Variants in CRELD2 observed in about 807,000 individuals in gnomAD.
CRELD2 encodes the protein protein disulfide isomerase CRELD2.
Under a neutral mutation model 48.1 loss-of-function variants are expected in CRELD2, and 33 were observed. The observed-to-expected ratio is 0.69, with a 90% CI of 0.52 to 0.92. CRELD2 has a LOEUF of 0.92. Among genes scored for constraint, CRELD2 ranks in the 40% least tolerant of loss-of-function variants. The probability of loss-of-function intolerance (pLI) is 0.00; values close to 1 mark genes in which losing one functional copy is unlikely to be tolerated. For synonymous variants in CRELD2, 220 were observed against 203.9 expected (o/e 1.08, Z -0.67); for missense variants, 477 against 482.4 (o/e 0.99, Z 0.10).
intron 5 of CRELD2, chr22:49,922,231 C>A: frequency 1.3e-6 from 2 of 1,521,916 alleles, no homozygotes; most frequent in Non-Finnish European, 8.9e-7. Flanking sequence ...CTAGGCTATT[C>A]TGGGCAGACA....
At chr22:49,920,102 G>A in intron 3 of CRELD2, 54 bp from the exon 4 acceptor site, 2 of 1,229,254 alleles carry the variant, frequency 1.6e-6, no homozygotes, top group South Asian at 1.2e-5. Context: ...CTGCATGTTT[G>A]TTTTAAAGAA....
At chr22:49,922,552 T>A (rs2060702012) in intron 5 of CRELD2, 60 bp from the exon 6 acceptor site, 1 of 1,486,884 alleles carries the variant, frequency 6.7e-7, no homozygotes, top group African/African-American at 1.4e-5. Context: ...TAAACGAGCC[T>A]TGTCCCCAAG....
At chr22:49,922,267 G>A (rs760316264) in intron 5 of CRELD2, 8 of 1,420,888 alleles carry the variant, frequency 5.6e-6, no homozygotes, top group South Asian at 4.0e-5. Flanking sequence ...AGTCAGGACC[G>A]GCCTCTCCGA....
chr22:49,918,901 G>A lies in CRELD2; in HGVS notation c.129+3G>A. The A allele has an allele frequency of 7.6e-7, 1 of 1,308,806 alleles. No homozygotes were observed. The highest frequency in any genetic ancestry group is 9.7e-7 in the Non-Finnish European group (1 of 1,026,400). 81.1% of individuals were successfully genotyped at this position (1,308,806 alleles called of 1,614,324 possible). On this transcript the variant is annotated splice_donor_region_variant and intron_variant, in intron 1 of 9. Coordinates refer to ENST00000328268, the MANE Select transcript of CRELD2 (RefSeq NM_024324.5). ...GGCTGGTGGACAAGTTTAACCAGGT[G>A]GGAAGGGGCCGGGCGGGGTCGTCAA...
chr22:49,927,283 G>A lies in CRELD2; in HGVS notation c.1038G>A (p.Gln346=), dbSNP rs572595597. 1.2e-6 allele frequency: 2 copies of A among 1,612,458 alleles called. No individual in the cohort carries two copies. The highest frequency in any genetic ancestry group is 2.7e-5 in the African/African-American group (2 of 75,006). The change falls in exon 10 of 10, where the codon CAG becomes CAA. Residue 346 remains glutamine (Q), a synonymous_variant. Coordinates refer to ENST00000328268, the MANE Select transcript of CRELD2 (RefSeq NM_024324.5). The part of the protein sequence containing the change: ...AEATEGESPT[Q]LPSREDL ...CCACAGAAGGAGAAAGCCCGACACAGCTGCCCTCCCGCGAAGACCTGTAAT... is the reference window on the plus strand; with the variant it reads ...CCACAGAAGGAGAAAGCCCGACACAACTGCCCTCCCGCGAAGACCTGTAAT...
Position 49,924,644 on chromosome 22 carries a change from G to A in CRELD2, c.868+189G>A, listed in dbSNP as rs192419536. ...CACAGAAGCAGTGGGGGTGGGGGAC[G>A]GGCTCTGCATGGCCGACCCTGGTGT... On this transcript the variant is annotated intron_variant, in intron 8 of 9. Transcript: ENST00000328268. The A allele has an allele frequency of 1.2e-4, 57 of 480,266 alleles. 1 individual carries two copies. Among genetic ancestry groups the A allele is most frequent in the African/African-American group, 8.2e-4 (42 of 51,078 alleles). The allele number at this position is 480,266 out of a possible 1,614,324, so 29.8% of individuals were successfully genotyped here.
chr22:49,925,585 G>A, intron 9 of CRELD2, 28 bp downstream of exon 9: 1 of 1,612,116 alleles, frequency 6.2e-7, no homozygotes, highest in Non-Finnish European at 8.5e-7. Context: ...CCTCCACACA[G>A]GCTGCCCTCC....
At chr22:49,922,884 GTGGGGGAGCATGAGGT>G (rs1555935106) in intron 6 of CRELD2, among the ~76,000 whole-genome samples, 177 bp downstream of exon 6, 1 of 97,538 alleles carries the variant, frequency 1.0e-5, no homozygotes, top group African/African-American at 5.2e-5. Context: ...GGCGTGAGGT[GTGGGGGAGCATGAGGT>G]GGGGCGTGAG....
chr22:49,923,489 C>T (rs1449587126), intron 7 of CRELD2, 172 bp downstream of exon 7: 2 of 709,918 alleles, frequency 2.8e-6, no homozygotes, highest in Non-Finnish European at 5.1e-6. Context: ...TCAGAAAATT[C>T]AAGTCAGATG....
chr22:49,919,929 G>T, intron 3 of CRELD2, 89 bp downstream of exon 3: 1 of 1,066,242 alleles, frequency 9.4e-7, no homozygotes. Context: ...TACAGGAACA[G>T]TAGGGAGCTC....
intron 7 of CRELD2, 164 bp from the exon 8 acceptor site, chr22:49,924,194 GTC>G (rs1397159666): frequency 1.8e-6 from 1 of 565,594 alleles, no homozygotes; most frequent in Non-Finnish European, 3.2e-6. Context: ...CAGGACGCGA[GTC>G]TGTGCTTTTG....
chr22:49,919,705 G>T (rs2060658978), intron 2 of CRELD2, 25 bp from the exon 3 acceptor site: 3 of 1,548,938 alleles, frequency 1.9e-6, no homozygotes, highest in South Asian at 2.4e-5. Context: ...CGCTGACGGT[G>T]GGCCGGTGTG....
intron 4 of CRELD2, among the ~76,000 whole-genome samples, chr22:49,920,995 G>A (rs753680647): frequency 2.0e-5 from 3 of 152,244 alleles, no homozygotes; most frequent in South Asian, 2.1e-4. Flanking sequence ...CATGTGTAAC[G>A]ACCAGGCGTG....
At chr22:49,918,934 C>T (rs965629906) in intron 1 of CRELD2, 36 bp downstream of exon 1, 15 of 1,327,618 alleles carry the variant, frequency 1.1e-5, no homozygotes, top group Middle Eastern at 2.8e-4. Context: ...CAACCTTGGG[C>T]CCGGGGTCCC....
Position 49,927,235 on chromosome 22 carries a change from C to T in CRELD2, c.1010-20C>T. 1 of 1,611,204 alleles carries T rather than the reference C, an allele frequency of 6.2e-7. No homozygotes were observed. The highest frequency in any genetic ancestry group is 8.5e-7 in the Non-Finnish European group (1 of 1,178,878). On this transcript the variant is annotated intron_variant, in intron 9 of 9. Transcript: ENST00000328268. ...GCCCTTTGTGCTCAGCCTTGACGACCTATGCTTGTTTTCTGACAGAAGCCA... is the reference window on the plus strand; with the variant it reads ...GCCCTTTGTGCTCAGCCTTGACGACTTATGCTTGTTTTCTGACAGAAGCCA...
In CRELD2 at chr22:49,925,451, T is replaced by C; in HGVS notation, c.903T>C (p.Cys301=). The change falls in exon 9 of 10, where the codon TGT becomes TGC. Residue 301 remains cysteine, a synonymous_variant. Coordinates refer to ENST00000328268, the MANE Select transcript of CRELD2 (RefSeq NM_024324.5). ...VDECSLAEKT[C]VRKNENCYNT... ...AGTGCTCACTAGCAGAAAAAACCTG[T>C]GTGAGGAAAAACGAAAACTGCTACA... 3 of 1,613,372 alleles carry C rather than the reference T, an allele frequency of 1.9e-6. No homozygotes were observed. The highest frequency in any genetic ancestry group is 2.5e-6 in the Non-Finnish European group (3 of 1,179,644).
intron 3 of CRELD2, 71 bp downstream of exon 3, chr22:49,919,911 TAGAA>T (rs2060663518): frequency 8.2e-7 from 1 of 1,223,696 alleles, no homozygotes; most frequent in Non-Finnish European, 1.2e-6. Context: ...ACCTCAGACT[TAGAA>T]AGGTACAGGA....
chr22:49,918,812 C>T lies in CRELD2; in HGVS notation c.43C>T (p.Leu15=). 7.6e-7 allele frequency: 1 copy of T among 1,319,850 alleles called. No homozygotes were observed. 81.8% of individuals were successfully genotyped at this position (1,319,850 alleles called of 1,614,324 possible). ...RRAALGLLPL[L]LLLPPAPEAA... ...GGCCGCGCTGGGGCTCCTGCCGCTT[C>T]TGCTGCTGCTGCCGCCCGCGCCGGA... Residue 15 remains leucine (L), a synonymous_variant, in exon 1 of 10, where the codon CTG becomes TTG. Transcript: ENST00000328268.
intron 7 of CRELD2, 67 bp from the exon 8 acceptor site, chr22:49,924,293 A>G (rs2060734458): frequency 3.5e-6 from 4 of 1,153,836 alleles, no homozygotes; most frequent in Non-Finnish European, 5.1e-6. Context: ...TGCCTTGTGC[A>G]TGTCGGGGTC....
Sources: allele counts gnomAD v4.1 joint callset (sites outside exome capture counted in the v4.1 genomes callset), GRCh38; gene constraint gnomAD v4.1.1; transcripts MANE v1.5; gene names NCBI Gene and HGNC (gene_info 2026-07-23, HGNC 2026-07-21).